The following FLT3 variants were observed in gnomAD, a reference collection of about 807,000 sequenced individuals.
FLT3 encodes fms related receptor tyrosine kinase 3.
Under a neutral mutation model 126.6 loss-of-function variants are expected in FLT3, and 46 were observed. The ratio of observed to expected loss-of-function variants is 0.36; its 90% CI spans 0.29 to 0.46. FLT3 has a LOEUF of 0.46. Ranked by LOEUF, FLT3 falls within the 20% of genes least tolerant of loss-of-function variation. FLT3 has a pLI of 1.00. For missense variants in FLT3, 1,069 were observed against 1,190.3 expected, an observed-to-expected ratio of 0.90 and a Z score of 1.50; for synonymous variants, 404 against 434.4, an observed-to-expected ratio of 0.93 and a Z score of 0.87.
At chr13:28,057,563 C>T (rs968636565) in intron 3 of FLT3, 101 bp from the exon 4 acceptor site, 2 of 674,370 alleles carry the variant, frequency 3.0e-6, no homozygotes, top group Admixed American at 4.4e-5. Flanking sequence ...CCAGCGTTCC[C>T]CGACTGGCAC....
At chr13:28,062,215 G>A (rs930771434) in intron 2 of FLT3, 146 bp from the exon 3 acceptor site, 2 of 614,034 alleles carry the variant, frequency 3.3e-6, no homozygotes, top group Non-Finnish European at 5.8e-6. Context: ...AGAACACGTT[G>A]CCGACTGAAG....
intron 1 of FLT3, among the ~76,000 whole-genome samples, chr13:28,093,299 C>T (rs1298494399): frequency 1.3e-5 from 2 of 151,122 alleles, no homozygotes; most frequent in South Asian, 2.1e-4. Flanking sequence ...TGGGCTCAAG[C>T]GAGCCTCCCA....
rs913099819 is a variant in FLT3, at chr13:28,035,434, G to A, written c.1597+61C>T. 9.4e-6 allele frequency: 14 copies of A among 1,488,552 alleles called. No homozygotes were observed. In the African/African-American group the frequency reaches 1.9e-4, roughly 21 times the overall value. The allele number at this position is 1,488,552 out of a possible 1,614,324, so 92.2% of individuals were successfully genotyped here. On this transcript the variant is annotated intron_variant, in intron 12 of 23. Coordinates refer to ENST00000241453, the MANE Select transcript of FLT3 (RefSeq NM_004119.3). ...AATTCCCCAAGTAAAAGTCAGCGAT[G>A]GGGACTAACTTCTAGTGGGGAATTC...
chr13:28,024,824 C>T lies in FLT3; in HGVS notation c.2290+37G>A, dbSNP rs751604830. ...TAACATAAAACTTTTGCATTCATTT[C>T]CATTTTAAAGTGCTACTACTTAGAA... is the stretch of plus-strand genomic sequence containing the variant. On this transcript the variant is annotated intron_variant, in intron 18 of 23. Coordinates refer to ENST00000241453, the MANE Select transcript of FLT3 (RefSeq NM_004119.3). 14 of 1,298,114 alleles carry T rather than the reference C, an allele frequency of 1.1e-5. No individual in the cohort carries two copies. The Admixed American group carries it at 2.2e-4, about 20-fold the overall frequency. 80.4% of individuals were successfully genotyped at this position (1,298,114 alleles called of 1,614,324 possible). A position where few individuals can be genotyped will look rare whatever the true frequency, so the allele number is the denominator to read the frequency against.
intron 1 of FLT3, among the ~76,000 whole-genome samples, chr13:28,093,822 TTATAC>T (rs1313757289): frequency 6.6e-6 from 1 of 152,008 alleles, no homozygotes; most frequent in African/African-American, 2.4e-5. Context: ...ACCCCTAACA[TTATAC>T]TTTGAGGGCA....
In FLT3 at chr13:28,034,133, C is replaced by T; in HGVS notation, c.1786G>A (p.Glu596Lys). 6.2e-7 allele frequency: 1 copy of T among 1,614,042 alleles called. No homozygotes were observed. The highest frequency in any genetic ancestry group is 8.5e-7 in the Non-Finnish European group (1 of 1,179,918). The change falls in exon 14 of 24, where the codon GAA becomes AAA. Residue 596 changes from glutamate (E) to lysine (K), a missense_variant. By Grantham distance (56) the Glu-to-Lys change is moderately conservative (BLOSUM62 1). Transcript: ENST00000241453. ...DNEYFYVDFR[E>K]YEYDLKWEFP... Reference sequence around the variant, plus strand: ...TCCCATTTGAGATCATATTCATATTCTCTGAAATCAACGTAGAAGTACTCA... The same window carrying T: ...TCCCATTTGAGATCATATTCATATTTTCTGAAATCAACGTAGAAGTACTCA...
intron 2 of FLT3, among the ~76,000 whole-genome samples, chr13:28,063,696 C>CA (rs2137772388): frequency 6.6e-6 from 1 of 151,876 alleles, no homozygotes; most frequent in East Asian, 1.9e-4. Flanking sequence ...TGTTCACTTA[C>CA]TATGATAAGT....
In FLT3 at chr13:28,054,679, C is replaced by T. The variant is rs1292762911; in HGVS notation, c.485-2005G>A. On this transcript the variant is annotated intron_variant, in intron 4 of 23. Transcript: ENST00000241453. ...AATCCAGGGACTGTCCTTCTTTAAA[C>T]AATCAAATTTTTTCTTTGTCTTGCT... 2.0e-5 allele frequency among the ~76,000 whole-genome samples: 3 copies of T among 152,186 alleles called. No individual in the cohort carries two copies. In the East Asian group the frequency reaches 5.8e-4, roughly 29 times the overall value.
chr13:28,028,189 C>T lies in FLT3; in HGVS notation c.2042G>A (p.Cys681Tyr), dbSNP rs887807138. ...HENIVNLLGACTLSGPIYLIF... is the reference protein window; with the variant it reads ...HENIVNLLGAYTLSGPIYLIF... ...TGGAAGTGGGTTACCTGACAGTGTG[C>T]ACGCCCCCAGCAGGTTCACAATATT... The change falls in exon 16 of 24, where the codon TGC (cysteine) becomes TAC (tyrosine). Residue 681 changes from cysteine (C) to tyrosine (Y), a missense_variant. Physicochemically the swap from Cys to Tyr is radical, Grantham distance 194. Coordinates refer to ENST00000241453, the MANE Select transcript of FLT3 (RefSeq NM_004119.3). 1 of 1,584,562 alleles carries T rather than the reference C, an allele frequency of 6.3e-7. No homozygotes were observed. The highest frequency in any genetic ancestry group is 1.1e-5 in the South Asian group (1 of 90,480).
chr13:28,010,398 G>A (rs7984591), intron 23 of FLT3, among the ~76,000 whole-genome samples: 5,332 of 152,288 alleles, frequency 0.035, 304 homozygotes, highest in African/African-American at 0.12. Context: ...AGTTACAGCT[G>A]AAAGTGTTAA....
chr13:28,062,421 G>A (rs770407147), intron 2 of FLT3, among the ~76,000 whole-genome samples: 5 of 151,986 alleles, frequency 3.3e-5, no homozygotes, highest in Non-Finnish European at 5.9e-5. Context: ...ATTAGGGTGG[G>A]CCTAAATCCA....
At chr13:28,053,178 A>T (rs1220971683) in intron 4 of FLT3, among the ~76,000 whole-genome samples, 1 of 148,620 alleles carries the variant, frequency 6.7e-6, no homozygotes, top group African/African-American at 2.5e-5. Context: ...CCTGGATCAC[A>T]CACACACACA....
intron 23 of FLT3, among the ~76,000 whole-genome samples, chr13:28,008,758 C>T (rs994332835): frequency 1.3e-5 from 2 of 152,092 alleles, no homozygotes; most frequent in African/African-American, 4.8e-5. Context: ...GGATTACAGG[C>T]GTGAGCTACC....
intron 8 of FLT3, 64 bp from the exon 9 acceptor site, chr13:28,048,507 GA>G (rs1254348076): frequency 8.9e-7 from 1 of 1,117,918 alleles, no homozygotes; most frequent in Non-Finnish European, 1.3e-6. Flanking sequence ...GTATTGAGAA[GA>G]TAAAATAAAC....
At chr13:28,021,747 AT>A (rs988620754) in intron 19 of FLT3, among the ~76,000 whole-genome samples, 134 of 145,442 alleles carry the variant, frequency 9.2e-4, no homozygotes, top group Admixed American at 1.2e-3. Context: ...TTTTTAATTA[AT>A]TTTTTTTTTT....
chr13:28,068,043 TTTATTA>T (rs368974756), intron 2 of FLT3: 4 of 107,286 alleles, frequency 3.7e-5, no homozygotes, highest in Admixed American at 1.2e-4. Context: ...TATTTTTGTT[TTTATTA>T]TGTTTTGTTT....
intron 1 of FLT3, among the ~76,000 whole-genome samples, chr13:28,077,553 CACAACACGTG>C (rs1336774750): frequency 6.6e-6 from 1 of 152,118 alleles, no homozygotes; most frequent in African/African-American, 2.4e-5. Flanking sequence ...GGGTCCTTCC[CACAACACGTG>C]GGAATTCTGC....
At chr13:28,024,461 G>T (rs1160894384) in intron 18 of FLT3, among the ~76,000 whole-genome samples, 1 of 152,218 alleles carries the variant, frequency 6.6e-6, no homozygotes, top group Non-Finnish European at 1.5e-5. Context: ...GTCCTGTGAG[G>T]AAGGTAGTGT....
chr13:28,024,768 C>A, intron 18 of FLT3, 93 bp downstream of exon 18: 2 of 888,840 alleles, frequency 2.3e-6, no homozygotes, highest in Non-Finnish European at 3.5e-6. Context: ...TTTTAAAATG[C>A]TTTTGTGTTT....
Sources: allele counts gnomAD v4.1 joint callset (sites outside exome capture counted in the v4.1 genomes callset), GRCh38; gene constraint gnomAD v4.1.1; transcripts MANE v1.5; gene names NCBI Gene and HGNC (gene_info 2026-07-23, HGNC 2026-07-21).